CDH13: variants seen among roughly 807,000 people sequenced by gnomAD.
CDH13 encodes the protein cadherin 13.
A neutral mutation model predicts 63.8 loss-of-function variants in CDH13; 24 were observed. The ratio of observed to expected loss-of-function variants is 0.38; its 90% CI spans 0.27 to 0.53. The LOEUF (loss-of-function observed/expected upper bound fraction) is 0.53. Ranked by LOEUF, CDH13 falls within the 20% of genes least tolerant of loss-of-function variation. The probability of loss-of-function intolerance (pLI) is 0.85; values close to 1 mark genes in which losing one functional copy is unlikely to be tolerated. For missense variants in CDH13, 1,049 were observed against 903.1 expected (o/e 1.16, Z -2.07); for synonymous variants, 503 against 355.3 (o/e 1.42, Z -4.67).
chr16:83,282,070 AG>A lies in CDH13; in HGVS notation c.637-62789del, dbSNP rs1456829158. Among the ~76,000 whole-genome samples the A allele has an allele frequency of 6.6e-5, 10 of 152,292 alleles. No individual in the cohort carries two copies. In the East Asian group the frequency reaches 1.9e-3, roughly 29 times the overall value. ...TAAATATTGTGATATCTCAGGGAAT[AG>A]GGAGTCCCAAGGAGAGGGAGAGAGA... On this transcript the variant is annotated intron_variant, in intron 5 of 13. Coordinates refer to ENST00000567109, the MANE Select transcript of CDH13 (RefSeq NM_001257.5).
intron 4 of CDH13, among the ~76,000 whole-genome samples, chr16:83,136,318 C>G (rs1288203566): frequency 6.6e-6 from 1 of 151,674 alleles, no homozygotes; most frequent in African/African-American, 2.4e-5. Flanking sequence ...CCTGTCTCTA[C>G]TAAAAAATAC....
At chr16:82,960,005 G>A (rs1597299642) in intron 2 of CDH13, among the ~76,000 whole-genome samples, 2 of 152,264 alleles carry the variant, frequency 1.3e-5, no homozygotes, top group East Asian at 1.9e-4. Flanking sequence ...TTTCCAGAGC[G>A]GCTATACCAT....
At position 82,773,952 on chromosome 16, in the gene CDH13, T is replaced by A. The variant is rs548039122; in HGVS notation, c.46-84410T>A. 2.4e-3 allele frequency among the ~76,000 whole-genome samples: 359 copies of A among 152,056 alleles called. 2 individuals are homozygous for A. The highest frequency in any genetic ancestry group is 7.6e-3 in the African/African-American group (314 of 41,488). ...CCACCCACCACCACCCCTGGCTGAT[T>A]TTTTGTGTTTTTGGGAGAGACAGGG... On this transcript the variant is annotated intron_variant, in intron 1 of 13. Coordinates refer to ENST00000567109, the MANE Select transcript of CDH13 (RefSeq NM_001257.5).
intron 5 of CDH13, among the ~76,000 whole-genome samples, chr16:83,330,325 C>G (rs1187806346): frequency 6.6e-6 from 1 of 152,140 alleles, no homozygotes; most frequent in Non-Finnish European, 1.5e-5. Context: ...TAAGATGTTT[C>G]CACTGGGGAA....
chr16:82,882,461 G>A (rs2040739054), intron 2 of CDH13, among the ~76,000 whole-genome samples: 1 of 152,232 alleles, frequency 6.6e-6, no homozygotes, highest in Non-Finnish European at 1.5e-5. Context: ...GTATCAGGCA[G>A]ACCTGGCCGC....
intron 1 of CDH13, among the ~76,000 whole-genome samples, chr16:82,738,435 A>C (rs1160891881): frequency 6.6e-6 from 1 of 152,138 alleles, no homozygotes; most frequent in African/African-American, 2.4e-5. Context: ...AATCTCTCTC[A>C]TTCTCACCCA....
chr16:82,716,725 G>T (rs763604604), intron 1 of CDH13, among the ~76,000 whole-genome samples: 13 of 151,346 alleles, frequency 8.6e-5, no homozygotes, highest in Non-Finnish European at 1.3e-4. Context: ...GGTTTCTGGA[G>T]GGGTTCACTG....
chr16:83,400,038 A>C (rs2091944553), intron 6 of CDH13, among the ~76,000 whole-genome samples: 1 of 152,174 alleles, frequency 6.6e-6, no homozygotes, highest in Admixed American at 6.5e-5. Context: ...TGTTTTCTTA[A>C]TCGTTCCCTT....
intron 5 of CDH13, among the ~76,000 whole-genome samples, chr16:83,325,645 C>A (rs894627453): frequency 6.6e-6 from 1 of 152,108 alleles, no homozygotes; most frequent in Admixed American, 6.5e-5. Flanking sequence ...CATAACTCGA[C>A]GACCTCTATT....
intron 1 of CDH13, among the ~76,000 whole-genome samples, chr16:82,709,716 A>G (rs72837577): frequency 0.067 from 10,185 of 152,246 alleles, 389 homozygotes; most frequent in Middle Eastern, 0.079. Flanking sequence ...TTAACCTGGA[A>G]TAGAAAAGAT....
chr16:83,095,421 A>G (rs1597326063), intron 3 of CDH13, among the ~76,000 whole-genome samples: 1 of 152,230 alleles, frequency 6.6e-6, no homozygotes, highest in Non-Finnish European at 1.5e-5. Context: ...TGTAAACATC[A>G]TCAGTGATAA....
intron 1 of CDH13, among the ~76,000 whole-genome samples, chr16:82,716,995 A>T (rs1407361863): frequency 6.6e-6 from 1 of 152,034 alleles, no homozygotes; most frequent in East Asian, 1.9e-4. Context: ...AAGATGCTGG[A>T]AGGAGTGCCT....
intron 3 of CDH13, among the ~76,000 whole-genome samples, chr16:83,093,401 C>A (rs995137454): frequency 6.8e-6 from 1 of 147,532 alleles, no homozygotes; most frequent in African/African-American, 2.5e-5. Context: ...TGACTGCAAC[C>A]TCCACCTCCC....
intron 10 of CDH13, among the ~76,000 whole-genome samples, chr16:83,741,478 A>ATG (rs1034760793): frequency 2.8e-4 from 27 of 95,398 alleles, no homozygotes; most frequent in Middle Eastern, 0.01. Flanking sequence ...TACTATATAT[A>ATG]TGTGTGTGTG....
At chr16:83,090,573 CAA>C (rs372312398) in intron 3 of CDH13, among the ~76,000 whole-genome samples, 38 of 129,924 alleles carry the variant, frequency 2.9e-4, no homozygotes, top group South Asian at 9.9e-4. Context: ...AACTGCATCT[CAA>C]AAAAAAAAAA....
intron 6 of CDH13, among the ~76,000 whole-genome samples, chr16:83,374,799 C>T (rs1419830863): frequency 6.6e-6 from 1 of 152,192 alleles, no homozygotes. Flanking sequence ...GTCTCCTGTT[C>T]TCACACAGAC....
intron 1 of CDH13, among the ~76,000 whole-genome samples, chr16:82,692,050 G>C (rs1915696276): frequency 6.6e-6 from 1 of 152,194 alleles, no homozygotes; most frequent in Non-Finnish European, 1.5e-5. Context: ...GTCACTTTTA[G>C]GGGATATGGC....
chr16:82,762,752 T>A (rs2034901707), intron 1 of CDH13, among the ~76,000 whole-genome samples: 1 of 152,244 alleles, frequency 6.6e-6, no homozygotes, highest in Non-Finnish European at 1.5e-5. Context: ...CCTGCTGTGT[T>A]GGAGAAAGAG....
intron 2 of CDH13, among the ~76,000 whole-genome samples, chr16:82,971,457 C>T (rs552814432): frequency 1.3e-5 from 2 of 152,314 alleles, no homozygotes; most frequent in East Asian, 3.9e-4. Flanking sequence ...TGTGTATCAT[C>T]ACCTGTATTT....
Sources: gnomAD v4.1 joint callset for allele counts (sites outside exome capture counted in the v4.1 genomes callset) on GRCh38, gnomAD v4.1.1 for gene constraint, MANE v1.5 for transcripts, NCBI Gene and HGNC (gene_info 2026-07-23, HGNC 2026-07-21) for gene names.